Variants in ANAPC1 observed in about 807,000 individuals in gnomAD.
ANAPC1 encodes anaphase-promoting complex subunit 1.
A neutral mutation model predicts 208.0 loss-of-function variants in ANAPC1; 36 were observed. The observed-to-expected ratio is 0.17, with a 90% CI of 0.13 to 0.23. The LOEUF (loss-of-function observed/expected upper bound fraction) is 0.23, where lower values mean the gene tolerates loss of function less well. Among genes scored for constraint, ANAPC1 ranks in the 10% least tolerant of loss-of-function variants. The pLI, the probability that ANAPC1 is intolerant of heterozygous loss-of-function variation, is 1.00. For missense variants in ANAPC1, 942 were observed against 2,011.6 expected (o/e 0.47, Z 10.17); for synonymous variants, 378 against 695.2 (o/e 0.54, Z 7.18).
chr2:111,826,284 A>T (rs1162902035), intron 21 of ANAPC1, among the ~76,000 whole-genome samples: 1 of 152,232 alleles, frequency 6.6e-6, no homozygotes, highest in Non-Finnish European at 1.5e-5. Context: ...GTTGTATCAC[A>T]TAACCACTAC....
At position 111,825,030 on chromosome 2, in the gene ANAPC1, A is replaced by G. The variant is rs1253303756; in HGVS notation, c.2748T>C (p.Ser916=). ...TAGAAACAGATGTAGAATGCCTGAA[A>G]CTAAACCTATAAGAGAATAAAACAT... ...LQVEQEENRF[S]FRHSTSVSSL... is the part of the protein sequence containing the mutation. Residue 916 remains serine, a synonymous_variant, in exon 24 of 48, where the codon AGT becomes AGC. Transcript: ENST00000341068. 4 of 1,613,960 alleles carry G rather than the reference A, an allele frequency of 2.5e-6. No individual in the cohort carries two copies. The highest frequency in any genetic ancestry group is 3.4e-6 in the Non-Finnish European group (4 of 1,179,876).
chr2:111,806,921 C>T (rs1573364511), intron 29 of ANAPC1, among the ~76,000 whole-genome samples: 12 of 97,042 alleles, frequency 1.2e-4, no homozygotes, highest in South Asian at 4.6e-4. Context: ...AAAGGCTGGA[C>T]GTGCTGGCCC....
chr2:111,879,394 T>C (rs1311254848), intron 2 of ANAPC1, among the ~76,000 whole-genome samples: 1 of 152,206 alleles, frequency 6.6e-6, no homozygotes, highest in Non-Finnish European at 1.5e-5. Flanking sequence ...CAATCACATA[T>C]ATATTCACCT....
At position 111,831,826 on chromosome 2, in the gene ANAPC1, CAAAA is replaced by C. The variant is rs34008628; in HGVS notation, c.2477-396_2477-393del. On this transcript the variant is annotated intron_variant, in intron 20 of 47. Coordinates refer to ENST00000341068, the MANE Select transcript of ANAPC1 (RefSeq NM_022662.4). ...TAAGAGACAGAGCGAGACTCTGTCT[CAAAA>C]AAAAAAAAAAAAAAAAGAATAACGT... Among the ~76,000 whole-genome samples the C allele has an allele frequency of 7.2e-3, 208 of 29,016 alleles. 9 individuals are homozygous for C. The highest frequency in any genetic ancestry group is 9.5e-3 in the Non-Finnish European group (172 of 18,076). The allele number at this position is 29,016 out of a possible 152,430, so 19.0% of individuals were successfully genotyped here. A position where few individuals can be genotyped will look rare whatever the true frequency, so the allele number is the denominator to read the frequency against.
intron 35 of ANAPC1, 34 bp from the exon 36 acceptor site, chr2:111,794,357 T>A: frequency 7.9e-7 from 1 of 1,263,948 alleles, no homozygotes; most frequent in Non-Finnish European, 1.1e-6. Context: ...TAATAATCAT[T>A]ATTTTACTTT....
intron 22 of ANAPC1, among the ~76,000 whole-genome samples, chr2:111,825,446 C>A (rs982709811): frequency 2.6e-5 from 4 of 152,152 alleles, no homozygotes; most frequent in Non-Finnish European, 5.9e-5. Context: ...GAGAATACTG[C>A]ATTTTCTATC....
chr2:111,773,641 A>G (rs377342303), intron 46 of ANAPC1, among the ~76,000 whole-genome samples: 2,715 of 151,772 alleles, frequency 0.018, 36 homozygotes, highest in East Asian at 0.087. Context: ...CCTGGGAGGA[A>G]ATGCCATTAA....
At chr2:111,767,308 GC>G (rs769368395), downstream of ANAPC1, among the ~76,000 whole-genome samples, 37 of 151,690 alleles carry the variant, frequency 2.4e-4, no homozygotes, top group Non-Finnish European at 4.4e-4. Flanking sequence ...ACACTTAACA[GC>G]CAAATGTTTT....
At position 111,829,179 on chromosome 2, in the gene ANAPC1, A is replaced by G. The variant is rs138375403; in HGVS notation, c.2625+2107T>C. Among the ~76,000 whole-genome samples the G allele has an allele frequency of 9.9e-3, 1,515 of 152,282 alleles. 24 individuals carry two copies. Among genetic ancestry groups the G allele is most frequent in the African/African-American group, 0.032 (1,344 of 41,552 alleles). On this transcript the variant is annotated intron_variant, in intron 21 of 47. Transcript: ENST00000341068. Reference sequence around the variant, plus strand: ...CAGTGAGCCGAGATTGTGCCACTGCACTCCAGCCTGGGCAACAGAGTGACT... The same window carrying G: ...CAGTGAGCCGAGATTGTGCCACTGCGCTCCAGCCTGGGCAACAGAGTGACT...
intron 13 of ANAPC1, among the ~76,000 whole-genome samples, chr2:111,855,873 T>C (rs566762049): frequency 1.3e-5 from 2 of 152,332 alleles, no homozygotes; most frequent in East Asian, 1.9e-4. Flanking sequence ...TCAAATTGTA[T>C]GTATTTAAAT....
In ANAPC1 at chr2:111,815,378, A is replaced by G. The variant is rs1308433575; in HGVS notation, c.3589T>C (p.Leu1197=). ...GGGAGCACAGGTCTCACCTTGGTCA[A>G]GTAGTCATGGATATTGAGAGTCGCC... ...KLATLNIHDY[L]TKGHEMTSIG... The change falls in exon 28 of 48, where the codon TTG becomes CTG. Residue 1197 remains leucine (L), a synonymous_variant. Transcript: ENST00000341068. 110 of 213,512 alleles carry G rather than the reference A, an allele frequency of 5.2e-4. No individual in the cohort carries two copies. The highest frequency in any genetic ancestry group is 2.8e-3 in the Middle Eastern group (2 of 722). The allele number at this position is 213,512 out of a possible 1,614,324, so 13.2% of individuals were successfully genotyped here. A position where few individuals can be genotyped will look rare whatever the true frequency, so the allele number is the denominator to read the frequency against.
In ANAPC1 at chr2:111,838,490, G is replaced by C. The variant is rs771102040; in HGVS notation, c.2063C>G (p.Ser688Cys). ...TRNFDFEGSL[S>C]PVIAPKKARP... ...TGCTTTTTTGGGCGCAATGACAGGA[G>C]AAAGTGATCCTTCAAAGTCAAACTG... Residue 688 changes from serine (S) to cysteine (C), a missense_variant, in exon 18 of 48, where the codon TCT becomes TGT. Transcript: ENST00000341068. 6.2e-7 allele frequency: 1 copy of C among 1,606,642 alleles called. No individual in the cohort carries two copies. Among genetic ancestry groups the C allele is most frequent in the Non-Finnish European group, 8.5e-7 (1 of 1,177,750 alleles).
At chr2:111,839,587 T>C (rs1433809741) in intron 17 of ANAPC1, among the ~76,000 whole-genome samples, 3 of 152,358 alleles carry the variant, frequency 2.0e-5, no homozygotes, top group Middle Eastern at 3.4e-3. Flanking sequence ...TAAAGTGATA[T>C]TTAAAACTGA....
intron 24 of ANAPC1, among the ~76,000 whole-genome samples, chr2:111,823,362 G>A (rs1332768919): frequency 6.6e-6 from 1 of 152,010 alleles, no homozygotes; most frequent in African/African-American, 2.4e-5. Flanking sequence ...GTGTAAACTG[G>A]TACAACCACT....
intron 28 of ANAPC1, among the ~76,000 whole-genome samples, chr2:111,810,016 T>C (rs1217376754): frequency 2.0e-5 from 3 of 149,126 alleles, no homozygotes; most frequent in South Asian, 2.1e-4. Context: ...CAAATGTTCA[T>C]AGCAGTATTA....
intron 26 of ANAPC1, among the ~76,000 whole-genome samples, chr2:111,820,271 T>C (rs1679453385): frequency 6.6e-6 from 1 of 152,150 alleles, no homozygotes; most frequent in South Asian, 2.1e-4. Context: ...TATGTAAAAA[T>C]AATTCACTTG....
At chr2:111,852,743 A>G (rs2104526957) in intron 13 of ANAPC1, among the ~76,000 whole-genome samples, 1 of 152,210 alleles carries the variant, frequency 6.6e-6, no homozygotes, top group East Asian at 1.9e-4. Flanking sequence ...TAAATGGTTA[A>G]GGAAAAAAAA....
rs555764941 is a variant in ANAPC1 at position 111,840,226 on chromosome 2, C to T, written c.2041-1714G>A. ...CAAAGAAATGCCAAAAATTGTGTAA[C>T]GAGTCATTGGCAGAAATTCTGTACT... On this transcript the variant is annotated intron_variant, in intron 17 of 47. Coordinates refer to ENST00000341068, the MANE Select transcript of ANAPC1 (RefSeq NM_022662.4). 5.3e-5 allele frequency among the ~76,000 whole-genome samples: 8 copies of T among 152,096 alleles called. No individual in the cohort carries two copies. The South Asian group carries it at 1.5e-3, about 28-fold the overall frequency.
chr2:111,826,287 A>T (rs1679827301), intron 21 of ANAPC1, among the ~76,000 whole-genome samples: 5 of 152,338 alleles, frequency 3.3e-5, no homozygotes, highest in African/African-American at 1.2e-4. Flanking sequence ...GTATCACATA[A>T]CCACTACCAC....
Sources: gnomAD v4.1 joint callset for allele counts (sites outside exome capture counted in the v4.1 genomes callset) on GRCh38, gnomAD v4.1.1 for gene constraint, MANE v1.5 for transcripts, NCBI Gene and HGNC (gene_info 2026-07-23, HGNC 2026-07-21) for gene names.